TACR1: variants seen among roughly 807,000 people sequenced by gnomAD.
TACR1 encodes tachykinin receptor 1, also known as substance-P receptor.
Under a neutral mutation model 35.8 loss-of-function variants are expected in TACR1, and 25 were observed. The ratio of observed to expected loss-of-function variants is 0.70; its 90% confidence interval spans 0.51 to 0.98. TACR1 has a LOEUF of 0.98. Ranked by LOEUF, TACR1 falls within the 50% of genes least tolerant of loss-of-function variation. The pLI, the probability that TACR1 is intolerant of heterozygous loss-of-function variation, is 0.00. For synonymous variants in TACR1, 195 were observed against 206.7 expected (o/e 0.94, Z 0.48); for missense variants, 478 against 522.9 (o/e 0.91, Z 0.84).
chr2:75,072,954 G>GCTAAA (rs1228442841), intron 2 of TACR1, among the ~76,000 whole-genome samples: 16 of 144,852 alleles, frequency 1.1e-4, no homozygotes, highest in African/African-American at 2.4e-4. Flanking sequence ...ACTAAGCTGA[G>GCTAAA]CTAAACTAAA....
At chr2:75,195,375 C>G (rs1484066503) in intron 1 of TACR1, among the ~76,000 whole-genome samples, 1 of 150,182 alleles carries the variant, frequency 6.7e-6, no homozygotes, top group Non-Finnish European at 1.5e-5. Context: ...CTTCCCTCTT[C>G]CCTCCTTCTC....
chr2:75,074,395 C>T (rs1356727875), intron 2 of TACR1, among the ~76,000 whole-genome samples: 1 of 152,184 alleles, frequency 6.6e-6, no homozygotes, highest in Non-Finnish European at 1.5e-5. Context: ...TCTGGAGCCC[C>T]TGGGTCTTGT....
At chr2:75,179,437 C>G (rs958689653) in intron 1 of TACR1, among the ~76,000 whole-genome samples, 4 of 152,198 alleles carry the variant, frequency 2.6e-5, no homozygotes, top group Non-Finnish European at 4.4e-5. Context: ...TGCCACACAT[C>G]AGCCAAATGA....
intron 2 of TACR1, among the ~76,000 whole-genome samples, chr2:75,077,814 C>T (rs1673009989): frequency 1.3e-5 from 2 of 152,182 alleles, no homozygotes; most frequent in African/African-American, 4.8e-5. Flanking sequence ...GGAAGGCCCC[C>T]AGGAACATAA....
intron 1 of TACR1, among the ~76,000 whole-genome samples, chr2:75,174,804 G>A (rs1321754963): frequency 6.6e-6 from 1 of 152,018 alleles, no homozygotes; most frequent in Non-Finnish European, 1.5e-5. Context: ...TAATGGTTGG[G>A]GATTTCATTA....
rs549795924 is a variant in TACR1, at chr2:75,127,590, C to T, written c.390-6822G>A. Among the ~76,000 whole-genome samples, 38 of 152,200 alleles carry T rather than the reference C, an allele frequency of 2.5e-4. 1 individual carries two copies. The highest frequency in any genetic ancestry group is 3.4e-3 in the Middle Eastern group (1 of 294). On this transcript the variant is annotated intron_variant, in intron 1 of 4. Coordinates refer to ENST00000305249, the MANE Select transcript of TACR1 (RefSeq NM_001058.4). ...AAAGTCAGATGGATTTGAAGGCCTG[C>T]GACAGTTTAGGGTAAAGTGAAGGAG...
chr2:75,113,532 C>CCTTTTTTTTTT (rs1673791802), intron 2 of TACR1, among the ~76,000 whole-genome samples: 1 of 92,084 alleles, frequency 1.1e-5, no homozygotes, highest in African/African-American at 4.5e-5. Context: ...TTTCTTCTTC[C>CCTTTTTTTTTT]TTTTTTTTTT....
chr2:75,159,634 G>A (rs1674951435), intron 1 of TACR1, among the ~76,000 whole-genome samples: 1 of 152,178 alleles, frequency 6.6e-6, no homozygotes, highest in South Asian at 2.1e-4. Context: ...CTTCCCAGCA[G>A]AGAAAGGAAA....
At chr2:75,052,760 TGTGTGTGTGTGC>T (rs1453475878) in intron 3 of TACR1, among the ~76,000 whole-genome samples, 1 of 151,808 alleles carries the variant, frequency 6.6e-6, no homozygotes, top group African/African-American at 2.4e-5. Flanking sequence ...TGCATATCTG[TGTGTGTGTGTGC>T]GTGTGTGTGT....
intron 1 of TACR1, among the ~76,000 whole-genome samples, chr2:75,175,100 T>G (rs535050927): frequency 6.4e-4 from 97 of 152,342 alleles, no homozygotes; most frequent in African/African-American, 2.1e-3. Context: ...TCCTCAGATA[T>G]GAATTCCCTC....
intron 1 of TACR1, among the ~76,000 whole-genome samples, chr2:75,137,775 C>T (rs1240026267): frequency 4.7e-5 from 7 of 148,452 alleles, no homozygotes; most frequent in African/African-American, 1.7e-4. Context: ...AAAAGAAATC[C>T]AGCTGTCCAG....
chr2:75,110,285 TTGG>T (rs1159937621), intron 2 of TACR1, among the ~76,000 whole-genome samples: 1 of 152,048 alleles, frequency 6.6e-6, no homozygotes, highest in Admixed American at 6.6e-5. Flanking sequence ...TTTTTATTTC[TTGG>T]TGATTTTTTT....
intron 1 of TACR1, among the ~76,000 whole-genome samples, chr2:75,150,319 C>T (rs181278140): frequency 6.8e-4 from 104 of 152,274 alleles, no homozygotes; most frequent in African/African-American, 2.2e-3. Flanking sequence ...TGCTCTAATA[C>T]GGTTTGGCTG....
intron 1 of TACR1, among the ~76,000 whole-genome samples, chr2:75,165,910 A>T (rs558781274): frequency 3.9e-4 from 59 of 152,312 alleles, no homozygotes; most frequent in Non-Finnish European, 7.1e-4. Context: ...TTTTGGAATG[A>T]CTTTTTAACA....
At chr2:75,112,933 A>T (rs570151122) in intron 2 of TACR1, among the ~76,000 whole-genome samples, 18 of 152,262 alleles carry the variant, frequency 1.2e-4, no homozygotes, top group South Asian at 4.1e-4. Context: ...TTGCATCTAT[A>T]TTTGTAAATG....
At chr2:75,073,602 G>C (rs1672921656) in intron 2 of TACR1, among the ~76,000 whole-genome samples, 1 of 152,220 alleles carries the variant, frequency 6.6e-6, no homozygotes, top group Non-Finnish European at 1.5e-5. Flanking sequence ...TCCTTGGCTG[G>C]TGTCAGGTGT....
At chr2:75,123,414 G>C (rs1034072279) in intron 1 of TACR1, among the ~76,000 whole-genome samples, 10 of 152,168 alleles carry the variant, frequency 6.6e-5, no homozygotes, top group Non-Finnish European at 1.3e-4. Context: ...ACACCATTCA[G>C]AATCTAATGT....
At chr2:75,060,837 T>C (rs1401177890) in intron 2 of TACR1, among the ~76,000 whole-genome samples, 1 of 151,856 alleles carries the variant, frequency 6.6e-6, no homozygotes, top group East Asian at 1.9e-4. Context: ...ATGGATGATA[T>C]GAGGGGAGAG....
intron 2 of TACR1, among the ~76,000 whole-genome samples, chr2:75,088,639 A>C (rs541763892): frequency 1.4e-3 from 215 of 152,182 alleles, no homozygotes; most frequent in African/African-American, 4.9e-3. Context: ...TCTGCATGGC[A>C]GGGGGCATTT....
Sources: allele counts gnomAD v4.1 joint callset (sites outside exome capture counted in the v4.1 genomes callset), GRCh38; gene constraint gnomAD v4.1.1; transcripts MANE v1.5; gene names NCBI Gene and HGNC (gene_info 2026-07-23, HGNC 2026-07-21).